Variants in ST6GAL1 observed in about 807,000 individuals in gnomAD.
ST6GAL1 encodes ST6 beta-galactoside alpha-2,6-sialyltransferase 1.
ST6GAL1 carries 20 observed loss-of-function variants against 38.0 expected under a neutral mutation model. That is an observed-to-expected ratio of 0.53 (90% CI 0.37 to 0.77). The LOEUF is 0.77. ST6GAL1 is among the 30% of genes least tolerant of loss of function. ST6GAL1 has a pLI of 0.00. For missense variants in ST6GAL1, 432 were observed against 496.4 expected (o/e 0.87, Z 1.23); for synonymous variants, 196 against 188.2 (o/e 1.04, Z -0.34).
intron 5 of ST6GAL1, among the ~76,000 whole-genome samples, chr3:187,070,176 A>G (rs1285115704): frequency 6.6e-6 from 1 of 152,130 alleles, no homozygotes; most frequent in Admixed American, 6.5e-5. Flanking sequence ...ATATTTATCT[A>G]TAAGAGAGGC....
chr3:187,066,043 G>A (rs1719105743), intron 5 of ST6GAL1, among the ~76,000 whole-genome samples: 1 of 148,104 alleles, frequency 6.8e-6, no homozygotes, highest in African/African-American at 2.5e-5. Flanking sequence ...TTCTTCTCAA[G>A]ATACTGAAAG....
chr3:186,962,580 TTC>T (rs1346412404), intron 1 of ST6GAL1, among the ~76,000 whole-genome samples: 1 of 152,084 alleles, frequency 6.6e-6, no homozygotes, highest in Non-Finnish European at 1.5e-5. Context: ...TGGGAGCAGT[TTC>T]TATGGTACCA....
intron 5 of ST6GAL1, among the ~76,000 whole-genome samples, chr3:187,065,884 C>T (rs1719093469): frequency 6.6e-6 from 1 of 152,142 alleles, no homozygotes; most frequent in South Asian, 2.1e-4. Flanking sequence ...GAGGTATGAC[C>T]ACCAACCACC....
chr3:187,054,542 A>G (rs1718624483), intron 5 of ST6GAL1, among the ~76,000 whole-genome samples: 2 of 152,304 alleles, frequency 1.3e-5, no homozygotes, highest in South Asian at 2.1e-4. Context: ...TCTTTTCTGC[A>G]TCTATTGAGA....
At chr3:187,025,796 A>T (rs540259244) in intron 2 of ST6GAL1, among the ~76,000 whole-genome samples, 1 of 152,164 alleles carries the variant, frequency 6.6e-6, no homozygotes, top group East Asian at 1.9e-4. Flanking sequence ...CTGGTCAGGG[A>T]CCGCAGCCTG....
chr3:187,072,851 G>A lies in ST6GAL1; in HGVS notation c.708G>A (p.Leu236=). 1 of 1,613,510 alleles carries A rather than the reference G, an allele frequency of 6.2e-7. No individual in the cohort carries two copies. Among genetic ancestry groups the A allele is most frequent in the Non-Finnish European group, 8.5e-7 (1 of 1,179,520 alleles). The change falls in exon 6 of 8, where the codon TTG becomes TTA. Residue 236 remains leucine, a splice_region_variant and synonymous_variant. Transcript: ENST00000169298. ...AGCTTATCTCTTTCTTCCTGCAGTTGGTTACCACAGAGAAGCGCTTCCTCA... is the reference window on the plus strand; with the variant it reads ...AGCTTATCTCTTTCTTCCTGCAGTTAGTTACCACAGAGAAGCGCTTCCTCA... ...KTTIRLMNSQ[L]VTTEKRFLKD...
At chr3:187,020,128 C>T (rs1200969265) in intron 2 of ST6GAL1, among the ~76,000 whole-genome samples, 2 of 152,064 alleles carry the variant, frequency 1.3e-5, no homozygotes, top group Non-Finnish European at 2.9e-5. Flanking sequence ...GAAACCACGT[C>T]TCTACTAAAA....
Position 187,043,280 on chromosome 3 carries a change from C to G in ST6GAL1, c.577C>G (p.Leu193Val). The change falls in exon 4 of 8, where the codon CTG (leucine) becomes GTG (valine). Residue 193 changes from leucine to valine, a missense_variant. Coordinates refer to ENST00000169298, the MANE Select transcript of ST6GAL1 (RefSeq NM_173216.2). ...RCAVVSSAGS[L>V]KSSQLGREID... ...TGCTGTTGTGTCGTCAGCGGGATCT[C>G]TGAAGTCCTCCCAACTAGGCAGAGA... is the stretch of plus-strand genomic sequence containing the variant. 1.2e-6 allele frequency: 2 copies of G among 1,613,910 alleles called. No homozygotes were observed. Among genetic ancestry groups the G allele is most frequent in the East Asian group, 4.5e-5 (2 of 44,894 alleles).
At chr3:187,019,119 G>A (rs764135967) in intron 2 of ST6GAL1, among the ~76,000 whole-genome samples, 1 of 152,140 alleles carries the variant, frequency 6.6e-6, no homozygotes, top group Non-Finnish European at 1.5e-5. Flanking sequence ...AAAGTTAGTC[G>A]ACAACATCTT....
chr3:186,967,884 CCTGG>C (rs1715203093), intron 2 of ST6GAL1, among the ~76,000 whole-genome samples: 1 of 152,220 alleles, frequency 6.6e-6, no homozygotes, highest in African/African-American at 2.4e-5. Context: ...GCCAGGGTGT[CCTGG>C]GGAGCCGGCA....
chr3:187,003,922 T>C (rs745320529), intron 2 of ST6GAL1, among the ~76,000 whole-genome samples: 1 of 152,206 alleles, frequency 6.6e-6, no homozygotes, highest in African/African-American at 2.4e-5. Flanking sequence ...CAAGGAAATG[T>C]GGCCTCAGGG....
intron 2 of ST6GAL1, among the ~76,000 whole-genome samples, chr3:187,022,285 C>G (rs1012294568): frequency 6.6e-6 from 1 of 152,142 alleles, no homozygotes; most frequent in Non-Finnish European, 1.5e-5. Context: ...CATAAGTCAT[C>G]TTCTGTGTTG....
At chr3:187,055,430 C>T (rs1256593773) in intron 5 of ST6GAL1, among the ~76,000 whole-genome samples, 6 of 152,082 alleles carry the variant, frequency 3.9e-5, no homozygotes, top group Admixed American at 3.9e-4. Context: ...TCTGCTTTCT[C>T]TTGTGGGCAT....
At chr3:186,935,481 T>C (rs1713918102) in intron 1 of ST6GAL1, among the ~76,000 whole-genome samples, 1 of 152,206 alleles carries the variant, frequency 6.6e-6, no homozygotes, top group Admixed American at 6.5e-5. Flanking sequence ...CATGTGTCTT[T>C]ATGGTAGAAC....
At chr3:187,060,224 G>T (rs529385163) in intron 5 of ST6GAL1, among the ~76,000 whole-genome samples, 2 of 152,228 alleles carry the variant, frequency 1.3e-5, no homozygotes, top group Admixed American at 1.3e-4. Context: ...GCAGTGGCGC[G>T]ATCTCAGCTC....
At chr3:186,955,168 C>G (rs1357777460) in intron 1 of ST6GAL1, among the ~76,000 whole-genome samples, 1 of 152,182 alleles carries the variant, frequency 6.6e-6, no homozygotes, top group East Asian at 1.9e-4. Context: ...TCTGAGATCT[C>G]TGTGCTGTCC....
chr3:186,956,741 A>G lies in ST6GAL1; in HGVS notation c.-324-7044A>G, dbSNP rs562131602. 2.0e-5 allele frequency among the ~76,000 whole-genome samples: 3 copies of G among 152,322 alleles called. No homozygotes were observed. The East Asian group carries it at 5.8e-4, about 29-fold the overall frequency. On this transcript the variant is annotated intron_variant, in intron 1 of 7. Transcript: ENST00000169298. ...AGCTGACTCACAATCACCCTCCCGTAAGATCCACCAGTTCAGAAGCACTGA... is the reference window on the plus strand; with the variant it reads ...AGCTGACTCACAATCACCCTCCCGTGAGATCCACCAGTTCAGAAGCACTGA...
At chr3:187,070,675 G>A (rs573620770) in intron 5 of ST6GAL1, among the ~76,000 whole-genome samples, 2 of 151,824 alleles carry the variant, frequency 1.3e-5, no homozygotes, top group East Asian at 1.9e-4. Flanking sequence ...CACCCGCCTC[G>A]GCCTCCCAAA....
chr3:186,970,381 AT>A (rs34837598), intron 2 of ST6GAL1, among the ~76,000 whole-genome samples: 11,079 of 141,514 alleles, frequency 0.078, 484 homozygotes, highest in Middle Eastern at 0.14. Context: ...CGCCCGGCAA[AT>A]TTTTTTTTTT....
Sources: allele counts gnomAD v4.1 joint callset (sites outside exome capture counted in the v4.1 genomes callset), GRCh38; gene constraint gnomAD v4.1.1; transcripts MANE v1.5; gene names NCBI Gene and HGNC (gene_info 2026-07-23, HGNC 2026-07-21).